RGS5: variants seen among roughly 807,000 people sequenced by gnomAD.
RGS5 encodes the protein regulator of G protein signaling 5.
A neutral mutation model predicts 18.9 loss-of-function variants in RGS5; 20 were observed. The observed-to-expected ratio is 1.06, with a 90% CI of 0.74 to 1.54. The LOEUF (loss-of-function observed/expected upper bound fraction) is 1.54. Among genes scored for constraint, RGS5 ranks in the 40% most tolerant of loss-of-function variants. The probability of loss-of-function intolerance (pLI) is 0.00; values close to 1 mark genes in which losing one functional copy is unlikely to be tolerated. For missense variants in RGS5, 201 were observed against 211.8 expected (o/e 0.95, Z 0.32); for synonymous variants, 57 against 76.2 (o/e 0.75, Z 1.31).
chr1:163,152,616 AG>A lies in RGS5; in HGVS notation c.317del (p.Pro106LeufsTer24), dbSNP rs748583766. On this transcript the variant is annotated frameshift_variant, in exon 4 of 5. Transcript: ENST00000313961. LOFTEE classifies it high-confidence loss of function. ...ACEDYKKIKS[P>X]AKMAEKAKQI... ...GCTTTGCCTTCTCAGCCATCTTGGC[AG>A]GGGACTTGATCTTCTTGTAATCCTC... The A allele has an allele frequency of 9.9e-6, 16 of 1,613,014 alleles. No individual in the cohort carries two copies. The South Asian group carries it at 1.8e-4, about 18-fold the overall frequency.
chr1:163,319,469 C>T (rs1340983865), intron 1 of RGS5, among the ~76,000 whole-genome samples: 2 of 152,180 alleles, frequency 1.3e-5, no homozygotes, highest in Non-Finnish European at 2.9e-5. Flanking sequence ...TGTGAGAAAT[C>T]ACTGAAAGTT....
At chr1:163,168,868 T>A (rs1020147284) in intron 1 of RGS5, among the ~76,000 whole-genome samples, 9 of 152,114 alleles carry the variant, frequency 5.9e-5, no homozygotes, top group East Asian at 1.9e-4. Context: ...CACTTTTTTT[T>A]ATTATTATTA....
chr1:163,167,403 T>C (rs956213765), intron 2 of RGS5, among the ~76,000 whole-genome samples: 2 of 152,220 alleles, frequency 1.3e-5, no homozygotes, highest in African/African-American at 4.8e-5. Flanking sequence ...AGTGTATCTG[T>C]CTAGGTAGTG....
At chr1:163,264,123 C>A (rs536325620) in intron 2 of RGS5, among the ~76,000 whole-genome samples, 1 of 152,112 alleles carries the variant, frequency 6.6e-6, no homozygotes, top group African/African-American at 2.4e-5. Flanking sequence ...TTAAATTTCA[C>A]ATTTATATTA....
At chr1:163,242,063 C>T (rs1647804478) in intron 2 of RGS5, among the ~76,000 whole-genome samples, 1 of 152,154 alleles carries the variant, frequency 6.6e-6, no homozygotes, top group Non-Finnish European at 1.5e-5. Flanking sequence ...TGAATTAAAC[C>T]TCTTCATTTT....
intron 2 of RGS5, among the ~76,000 whole-genome samples, chr1:163,276,821 G>A (rs1041910771): frequency 6.6e-6 from 1 of 152,138 alleles, no homozygotes; most frequent in African/African-American, 2.4e-5. Context: ...TTGGCCAGAA[G>A]GGGAAGATTG....
chr1:163,152,349 T>C (rs144576117), intron 4 of RGS5: 1 of 460,198 alleles, frequency 2.2e-6, no homozygotes, highest in African/African-American at 2.0e-5. Context: ...CCCATAAAAC[T>C]AGAAAGCGGT....
chr1:163,160,949 T>G (rs569148781), intron 3 of RGS5, among the ~76,000 whole-genome samples: 1 of 152,312 alleles, frequency 6.6e-6, no homozygotes, highest in East Asian at 1.9e-4. Flanking sequence ...GTTTGTGAGT[T>G]TATAACCTAT....
At chr1:163,222,096 C>T (rs544778445), upstream of RGS5, among the ~76,000 whole-genome samples, 1 of 152,184 alleles carries the variant, frequency 6.6e-6, no homozygotes, top group Non-Finnish European at 1.5e-5. Flanking sequence ...GACGGACTTA[C>T]TCGGCCAAAA....
chr1:163,319,926 G>T (rs1195999598), intron 1 of RGS5, among the ~76,000 whole-genome samples: 1 of 152,088 alleles, frequency 6.6e-6, no homozygotes, highest in Non-Finnish European at 1.5e-5. Flanking sequence ...CCAGTATCAG[G>T]CAACTAAAAG....
chr1:163,191,049 G>C (rs1659330956), intron 1 of RGS5, among the ~76,000 whole-genome samples: 1 of 152,174 alleles, frequency 6.6e-6, no homozygotes, highest in African/African-American at 2.4e-5. Flanking sequence ...CATGAAATGA[G>C]TGGACATGGG....
At chr1:163,300,927 C>T (rs1454580576) in intron 2 of RGS5, among the ~76,000 whole-genome samples, 6 of 152,082 alleles carry the variant, frequency 3.9e-5, no homozygotes, top group South Asian at 2.1e-4. Flanking sequence ...ATACAGCTCA[C>T]GTTGTGTTGT....
chr1:163,316,219 A>G (rs1301446428), intron 1 of RGS5, among the ~76,000 whole-genome samples: 1 of 152,216 alleles, frequency 6.6e-6, no homozygotes, highest in Non-Finnish European at 1.5e-5. Context: ...TACCTATGTC[A>G]GCAAGCTAGA....
chr1:163,197,406 TA>T (rs1160130964), intron 1 of RGS5, among the ~76,000 whole-genome samples: 2 of 152,146 alleles, frequency 1.3e-5, no homozygotes, highest in Non-Finnish European at 2.9e-5. Flanking sequence ...CTAAAAGCTC[TA>T]GGGGCCCCGC....
chr1:163,236,487 G>A (rs1294437123), intron 2 of RGS5, among the ~76,000 whole-genome samples: 3 of 152,040 alleles, frequency 2.0e-5, no homozygotes, highest in African/African-American at 4.8e-5. Context: ...CCCTAAAATC[G>A]CACAGTGCAA....
At chr1:163,318,190 G>C (rs941606359) in intron 1 of RGS5, among the ~76,000 whole-genome samples, 1 of 152,152 alleles carries the variant, frequency 6.6e-6, no homozygotes, top group Non-Finnish European at 1.5e-5. Context: ...TCATGAATGC[G>C]AAGTGGGTAG....
chr1:163,217,572 T>C (rs1266774225), exon 1 of RGS5: 3 of 1,547,124 alleles, frequency 1.9e-6, no homozygotes, highest in African/African-American at 1.4e-5. Context: ...GAGAATATCC[T>C]GTGAAATGTT....
intron 1 of RGS5, among the ~76,000 whole-genome samples, chr1:163,214,629 T>G (rs1474361114): frequency 6.6e-6 from 1 of 152,122 alleles, no homozygotes; most frequent in African/African-American, 2.4e-5. Flanking sequence ...CCACAGCTCC[T>G]TTATCTCTCT....
intron 2 of RGS5, among the ~76,000 whole-genome samples, chr1:163,224,844 A>C (rs1424665495): frequency 1.3e-5 from 2 of 152,152 alleles, no homozygotes; most frequent in Non-Finnish European, 2.9e-5. Context: ...TCTTCTTTTG[A>C]GAAATGTATA....
Sources: gnomAD v4.1 joint callset for allele counts (sites outside exome capture counted in the v4.1 genomes callset) on GRCh38, gnomAD v4.1.1 for gene constraint, MANE v1.5 for transcripts, NCBI Gene and HGNC (gene_info 2026-07-23, HGNC 2026-07-21) for gene names.